The following WDR7 variants were observed in gnomAD, a reference collection of about 807,000 sequenced individuals.
WDR7 encodes WD repeat domain 7, also known as WD repeat-containing protein 7.
A neutral mutation model predicts 169.4 loss-of-function variants in WDR7; 46 were observed. The observed-to-expected ratio is 0.27, with a 90% CI of 0.21 to 0.35. The LOEUF is 0.35. Among genes scored for constraint, WDR7 ranks in the 10% least tolerant of loss-of-function variants. The probability of loss-of-function intolerance (pLI) is 1.00; values close to 1 mark genes in which losing one functional copy is unlikely to be tolerated. For synonymous variants in WDR7, 612 were observed against 666.8 expected, an observed-to-expected ratio of 0.92 and a Z score of 1.27; for missense variants, 1,534 against 1,859.3, an observed-to-expected ratio of 0.83 and a Z score of 3.22.
chr18:56,705,875 A>G (rs1160033402), intron 12 of WDR7, among the ~76,000 whole-genome samples: 2 of 152,128 alleles, frequency 1.3e-5, no homozygotes, highest in African/African-American at 2.4e-5. Context: ...GCGCGTGCCT[A>G]TAGTCCCAGC....
intron 22 of WDR7, among the ~76,000 whole-genome samples, chr18:56,929,932 A>G (rs753270385): frequency 2.0e-5 from 3 of 152,212 alleles, no homozygotes; most frequent in African/African-American, 4.8e-5. Context: ...GAGCAGAAAA[A>G]TTCTGCTGCT....
intron 12 of WDR7, chr18:56,699,751 G>T: frequency 1.1e-6 from 1 of 895,400 alleles, no homozygotes; most frequent in Non-Finnish European, 1.3e-6. Context: ...TTAAGAAAAA[G>T]TACTCAGCTA....
intron 12 of WDR7, among the ~76,000 whole-genome samples, chr18:56,705,414 A>T (rs1225910241): frequency 6.6e-6 from 1 of 152,132 alleles, no homozygotes; most frequent in East Asian, 1.9e-4. Context: ...CAGGGAGTAC[A>T]TAGGGCACTT....
chr18:56,886,787 A>G (rs1395588376), intron 21 of WDR7, among the ~76,000 whole-genome samples: 1 of 152,218 alleles, frequency 6.6e-6, no homozygotes, highest in Non-Finnish European at 1.5e-5. Flanking sequence ...CTTTTTCTAC[A>G]AAAGATATTC....
chr18:56,721,954 T>TG (rs1428435855), intron 13 of WDR7, among the ~76,000 whole-genome samples: 1 of 152,208 alleles, frequency 6.6e-6, no homozygotes, highest in African/African-American at 2.4e-5. Flanking sequence ...AATTAGTGTA[T>TG]GAGGACTTGT....
At chr18:56,688,862 T>C (rs2025504780) in intron 7 of WDR7, among the ~76,000 whole-genome samples, 1 of 152,224 alleles carries the variant, frequency 6.6e-6, no homozygotes, top group Non-Finnish European at 1.5e-5. Context: ...TTTGTAATTA[T>C]GTGAGAACAG....
chr18:56,938,081 T>A (rs2145696071), intron 23 of WDR7, among the ~76,000 whole-genome samples: 1 of 152,282 alleles, frequency 6.6e-6, no homozygotes, highest in Admixed American at 6.5e-5. Context: ...AGGGGATTAG[T>A]CTTGCTAATC....
chr18:56,725,659 T>G (rs1318231390), intron 13 of WDR7, among the ~76,000 whole-genome samples: 3 of 152,212 alleles, frequency 2.0e-5, no homozygotes, highest in South Asian at 2.1e-4. Context: ...TTTAGTTTAA[T>G]TAGATCGCAT....
intron 20 of WDR7, among the ~76,000 whole-genome samples, chr18:56,849,955 G>T (rs1227456287): frequency 6.6e-6 from 1 of 152,108 alleles, no homozygotes; most frequent in Non-Finnish European, 1.5e-5. Context: ...CTGCTCCTGT[G>T]TGCCTCCATC....
chr18:56,664,614 C>A (rs2024978787), intron 1 of WDR7, among the ~76,000 whole-genome samples: 1 of 149,504 alleles, frequency 6.7e-6, no homozygotes, highest in African/African-American at 2.5e-5. Flanking sequence ...GCCCTTGGCA[C>A]ATAGTGAGGG....
At chr18:56,764,505 A>G (rs894907095) in intron 16 of WDR7, among the ~76,000 whole-genome samples, 13 of 152,170 alleles carry the variant, frequency 8.5e-5, no homozygotes, top group African/African-American at 2.9e-4. Flanking sequence ...CTAGCTAATT[A>G]ACATATCTAT....
chr18:56,751,605 T>C (rs1292641686), intron 14 of WDR7, among the ~76,000 whole-genome samples: 1 of 152,222 alleles, frequency 6.6e-6, no homozygotes, highest in African/African-American at 2.4e-5. Flanking sequence ...TTTTATCTTT[T>C]GCTGTGACAT....
At chr18:56,944,817 C>T (rs367793900) in intron 25 of WDR7, among the ~76,000 whole-genome samples, 12 of 152,040 alleles carry the variant, frequency 7.9e-5, no homozygotes, top group Admixed American at 6.6e-4. Context: ...TCATTTATAT[C>T]GCACTTTGCA....
chr18:56,983,566 CACACAGAGAGAG>C (rs766864603), intron 26 of WDR7, among the ~76,000 whole-genome samples: 1 of 75,796 alleles, frequency 1.3e-5, no homozygotes. Flanking sequence ...AACACACACA[CACACAGAGAGAG>C]AGAGAGAGAG....
intron 13 of WDR7, 83 bp from the exon 14 acceptor site, chr18:56,731,300 A>T (rs1243710243): frequency 1.8e-5 from 26 of 1,477,314 alleles, no homozygotes; most frequent in Non-Finnish European, 2.3e-5. Context: ...TACTTAAAAA[A>T]TTTTCATACC....
chr18:56,839,632 A>T (rs1324274342), intron 20 of WDR7, among the ~76,000 whole-genome samples: 1 of 152,206 alleles, frequency 6.6e-6, no homozygotes, highest in African/African-American at 2.4e-5. Flanking sequence ...AAATAGTATA[A>T]AGCAGAAGAC....
chr18:56,904,782 T>C (rs1431961717), intron 21 of WDR7, among the ~76,000 whole-genome samples: 1 of 152,122 alleles, frequency 6.6e-6, no homozygotes, highest in African/African-American at 2.4e-5. Context: ...AATTAACCCT[T>C]TTTTTTGAGC....
intron 26 of WDR7, among the ~76,000 whole-genome samples, chr18:56,976,358 C>T (rs948788212): frequency 3.3e-5 from 5 of 151,754 alleles, no homozygotes; most frequent in Admixed American, 1.3e-4. Flanking sequence ...CATGAGACAA[C>T]GGAAAGATTT....
chr18:56,678,740 C>G (rs563344833), intron 2 of WDR7, among the ~76,000 whole-genome samples: 16 of 152,128 alleles, frequency 1.1e-4, no homozygotes, highest in Non-Finnish European at 2.1e-4. Flanking sequence ...CATGATCTGC[C>G]CACCTTAGCC....
Sources: allele counts gnomAD v4.1 joint callset (sites outside exome capture counted in the v4.1 genomes callset), GRCh38; gene constraint gnomAD v4.1.1; transcripts MANE v1.5; gene names NCBI Gene and HGNC (gene_info 2026-07-23, HGNC 2026-07-21).